RYR3: variants seen among roughly 807,000 people sequenced by gnomAD.
RYR3 encodes the protein ryanodine receptor 3, also known as brain ryanodine receptor-calcium release channel.
RYR3 carries 207 observed loss-of-function variants against 584.3 expected under a neutral mutation model. That is an observed-to-expected ratio of 0.35 (90% CI 0.32 to 0.40). The LOEUF (loss-of-function observed/expected upper bound fraction) is 0.40, where lower values mean the gene tolerates loss of function less well. Among genes scored for constraint, RYR3 ranks in the 10% least tolerant of loss-of-function variants. RYR3 has a pLI of 1.00. For synonymous variants in RYR3, 2,416 were observed against 2,248.5 expected, an observed-to-expected ratio of 1.07 and a Z score of -2.11; for missense variants, 5,616 against 6,089.2, an observed-to-expected ratio of 0.92 and a Z score of 2.59.
At chr15:33,504,926 T>C (rs958455063) in intron 3 of RYR3, among the ~76,000 whole-genome samples, 3 of 152,186 alleles carry the variant, frequency 2.0e-5, no homozygotes, top group Non-Finnish European at 4.4e-5. Flanking sequence ...ATTAGATGAG[T>C]TGAGAAGCCT....
chr15:33,323,786 T>G (rs1969327146), intron 1 of RYR3, among the ~76,000 whole-genome samples: 1 of 152,138 alleles, frequency 6.6e-6, no homozygotes, highest in African/African-American at 2.4e-5. Flanking sequence ...GTGGTAACTT[T>G]GACTGTCCCC....
At chr15:33,726,584 A>G (rs1475873553) in intron 46 of RYR3, 78 bp downstream of exon 46, 12 of 1,437,142 alleles carry the variant, frequency 8.3e-6, no homozygotes, top group Non-Finnish European at 1.1e-5. Context: ...TCCCCAGCAC[A>G]GTGGCCCCCA....
At chr15:33,597,961 C>G (rs1182703174) in intron 16 of RYR3, among the ~76,000 whole-genome samples, 1 of 151,402 alleles carries the variant, frequency 6.6e-6, no homozygotes, top group Non-Finnish European at 1.5e-5. Flanking sequence ...GTTTCACAAC[C>G]CTAGGCAATT....
intron 43 of RYR3, among the ~76,000 whole-genome samples, chr15:33,716,416 CTT>C (rs1303093723): frequency 6.6e-6 from 1 of 152,104 alleles, no homozygotes. Flanking sequence ...TCCCTGGAAT[CTT>C]TATACCTGAG....
chr15:33,482,278 T>G (rs1336774818), intron 2 of RYR3, among the ~76,000 whole-genome samples: 2 of 152,226 alleles, frequency 1.3e-5, no homozygotes, highest in Non-Finnish European at 2.9e-5. Context: ...ATTGCCCTTT[T>G]GCCTCCATTG....
intron 2 of RYR3, among the ~76,000 whole-genome samples, chr15:33,484,356 T>G (rs2050231293): frequency 1.3e-5 from 2 of 152,050 alleles, no homozygotes; most frequent in African/African-American, 2.4e-5. Context: ...ATGCAAAAGA[T>G]AGAACTTTCT....
chr15:33,780,842 G>A (rs1006104893), intron 65 of RYR3, among the ~76,000 whole-genome samples: 1 of 152,214 alleles, frequency 6.6e-6, no homozygotes, highest in Non-Finnish European at 1.5e-5. Context: ...AAGTGTACAA[G>A]AAAGAATATT....
intron 1 of RYR3, among the ~76,000 whole-genome samples, chr15:33,464,482 A>ATC (rs2048306079): frequency 7.8e-5 from 7 of 89,808 alleles, no homozygotes; most frequent in Non-Finnish European, 1.4e-4. Flanking sequence ...ATATATATAT[A>ATC]TATATATACA....
chr15:33,584,600 C>T, intron 15 of RYR3, 110 bp downstream of exon 15: 1 of 576,894 alleles, frequency 1.7e-6, no homozygotes. Flanking sequence ...AAACAATCCT[C>T]AAATCATACT....
chr15:33,534,711 G>A (rs1459765757), intron 5 of RYR3, among the ~76,000 whole-genome samples: 5 of 152,200 alleles, frequency 3.3e-5, no homozygotes, highest in African/African-American at 1.2e-4. Context: ...GACCAACAGA[G>A]CAGTGGGTAG....
intron 10 of RYR3, among the ~76,000 whole-genome samples, chr15:33,561,918 G>A (rs2057427015): frequency 6.6e-6 from 1 of 151,416 alleles, no homozygotes; most frequent in Admixed American, 6.6e-5. Flanking sequence ...AAAAAAAAAA[G>A]AGAGAGAAAT....
At chr15:33,756,402 C>T (rs936469661) in intron 59 of RYR3, 29 bp downstream of exon 59, 4 of 1,495,796 alleles carry the variant, frequency 2.7e-6, no homozygotes, top group African/African-American at 1.4e-5. Context: ...AATCAAATTA[C>T]TTTCTTCTTA....
Position 33,687,507 on chromosome 15 carries a change from C to T in RYR3, c.5861-8711C>T, listed in dbSNP as rs553663137. Reference sequence around the variant, plus strand: ...TACTGCCCAAGGTAATTTGTAGATTCGATGCCATCCCCATCAAGCTACCAA... The same window carrying T: ...TACTGCCCAAGGTAATTTGTAGATTTGATGCCATCCCCATCAAGCTACCAA... On this transcript the variant is annotated intron_variant, in intron 38 of 103. Coordinates refer to ENST00000634891, the MANE Select transcript of RYR3 (RefSeq NM_001036.6). Among the ~76,000 whole-genome samples the T allele has an allele frequency of 2.6e-4, 39 of 152,244 alleles. No homozygotes were observed. The South Asian group carries it at 6.2e-3, about 24-fold the overall frequency.
intron 10 of RYR3, among the ~76,000 whole-genome samples, chr15:33,552,152 C>G (rs547883442): frequency 6.6e-6 from 1 of 152,152 alleles, no homozygotes; most frequent in African/African-American, 2.4e-5. Context: ...CAGGATCAGG[C>G]GGCCTTCCAG....
rs2054783840 is a variant in RYR3 at position 33,530,586 on chromosome 15, C to T, written c.280-6C>T. ...GTGCTGACCTTATTCTTCCTCATTC[C>T]CACAGGCAGCACAAGGAGGTGGCCA... On this transcript the variant is annotated splice_polypyrimidine_tract_variant and splice_region_variant and intron_variant, in intron 3 of 103. Coordinates refer to ENST00000634891, the MANE Select transcript of RYR3 (RefSeq NM_001036.6). The T allele has an allele frequency of 6.2e-7, 1 of 1,609,014 alleles. No individual in the cohort carries two copies. Among genetic ancestry groups the T allele is most frequent in the Admixed American group, 1.7e-5 (1 of 59,964 alleles).
chr15:33,389,202 A>G (rs943463614), intron 1 of RYR3, among the ~76,000 whole-genome samples: 13 of 152,102 alleles, frequency 8.5e-5, no homozygotes, highest in Non-Finnish European at 5.9e-5. Flanking sequence ...CGTTGTGCAC[A>G]TGTGCCCTAA....
intron 64 of RYR3, among the ~76,000 whole-genome samples, chr15:33,774,236 T>G (rs2073836061): frequency 6.6e-6 from 1 of 152,228 alleles, no homozygotes; most frequent in Non-Finnish European, 1.5e-5. Flanking sequence ...TGCCTTGTGT[T>G]CTGTTGTTGT....
intron 1 of RYR3, among the ~76,000 whole-genome samples, chr15:33,318,398 CT>C (rs1292989490): frequency 6.6e-6 from 1 of 152,206 alleles, no homozygotes; most frequent in East Asian, 1.9e-4. Flanking sequence ...GAAATTCCCC[CT>C]ATTAAAATGC....
chr15:33,719,240 A>G (rs527875293), intron 43 of RYR3, among the ~76,000 whole-genome samples: 11 of 152,364 alleles, frequency 7.2e-5, no homozygotes, highest in African/African-American at 2.6e-4. Flanking sequence ...GGTCACTTGC[A>G]GGAGCAGACC....
Sources: allele counts gnomAD v4.1 joint callset (sites outside exome capture counted in the v4.1 genomes callset), GRCh38; gene constraint gnomAD v4.1.1; transcripts MANE v1.5; gene names NCBI Gene and HGNC (gene_info 2026-07-23, HGNC 2026-07-21).